USP25: variants seen among roughly 807,000 people sequenced by gnomAD.
USP25 encodes the protein ubiquitin specific peptidase 25.
Under a neutral mutation model 158.5 loss-of-function variants are expected in USP25, and 85 were observed. The ratio of observed to expected loss-of-function variants is 0.54; its 90% CI spans 0.45 to 0.64. The LOEUF (loss-of-function observed/expected upper bound fraction) is 0.64, where lower values mean the gene tolerates loss of function less well. USP25 is among the 30% of genes least tolerant of loss of function. The pLI is 0.00. For synonymous variants in USP25, 464 were observed against 460.4 expected (o/e 1.01, Z -0.10); for missense variants, 1,242 against 1,327.3 (o/e 0.94, Z 1.00).
chr21:15,859,692 T>A (rs2039331839), intron 20 of USP25, among the ~76,000 whole-genome samples: 3 of 152,106 alleles, frequency 2.0e-5, no homozygotes, highest in Non-Finnish European at 4.4e-5. Context: ...TCTGGTAGTT[T>A]ATATTTTTCT....
intron 1 of USP25, among the ~76,000 whole-genome samples, chr21:15,743,847 C>T (rs1012956865): frequency 6.6e-6 from 1 of 152,186 alleles, no homozygotes; most frequent in African/African-American, 2.4e-5. Context: ...GGGAATTTGT[C>T]TACTGTGGCT....
intron 20 of USP25, among the ~76,000 whole-genome samples, chr21:15,855,633 A>G (rs953084813): frequency 1.3e-5 from 2 of 152,208 alleles, no homozygotes; most frequent in Non-Finnish European, 2.9e-5. Flanking sequence ...TTGGTTGTGT[A>G]CATTTGTAGC....
At chr21:15,869,968 A>T in intron 22 of USP25, 100 bp from the exon 23 acceptor site, 1 of 813,248 alleles carries the variant, frequency 1.2e-6, no homozygotes, top group South Asian at 2.4e-5. Flanking sequence ...TATTTCTATT[A>T]ATTCAGATAG....
At chr21:15,878,269 A>G (rs769374346) in intron 25 of USP25, 34 bp from the exon 26 acceptor site, 9 of 1,590,232 alleles carry the variant, frequency 5.7e-6, no homozygotes, top group South Asian at 1.1e-5. Flanking sequence ...AATAATTTCT[A>G]TCTTTAGTTA....
At chr21:15,812,646 G>A (rs928759281) in intron 9 of USP25, among the ~76,000 whole-genome samples, 8 of 145,718 alleles carry the variant, frequency 5.5e-5, no homozygotes, top group African/African-American at 1.9e-4. Flanking sequence ...GCGAGACTCC[G>A]TCTCAAAAAA....
rs181467675 is a variant in USP25, at chr21:15,796,785, T to C, written c.556-2972T>C. 7.9e-4 allele frequency among the ~76,000 whole-genome samples: 119 copies of C among 151,490 alleles called. No individual in the cohort carries two copies. In the Middle Eastern group the frequency reaches 0.01, roughly 13 times the overall value. On this transcript the variant is annotated intron_variant, in intron 5 of 25. Coordinates refer to ENST00000400183, the MANE Select transcript of USP25 (RefSeq NM_001283041.3). Reference sequence around the variant, plus strand: ...CCTTTCCTCAATTTTTCATACACAATGTCTAGTACTCAGGTCAGTCATACC... The same window carrying C: ...CCTTTCCTCAATTTTTCATACACAACGTCTAGTACTCAGGTCAGTCATACC...
Position 15,730,276 on chromosome 21 carries a change from G to C in USP25, c.-118G>C. The stretch of plus-strand genomic sequence containing the variant: ...TTCGCGCCTGGCTGGCGGGGGCGCT[G>C]TCCTCCCAGGCCGTCCGCGCCGCTC... On this transcript the variant is annotated 5_prime_UTR_variant, in exon 1 of 26. Coordinates refer to ENST00000400183, the MANE Select transcript of USP25 (RefSeq NM_001283041.3). 1.0e-6 allele frequency: 1 copy of C among 973,616 alleles called. No homozygotes were observed. Among genetic ancestry groups the C allele is most frequent in the Non-Finnish European group, 1.2e-6 (1 of 817,856 alleles). The allele number at this position is 973,616 out of a possible 1,614,324, so 60.3% of individuals were successfully genotyped here. A position where few individuals can be genotyped will look rare whatever the true frequency, so the allele number is the denominator to read the frequency against.
chr21:15,878,830 A>C lies in USP25; in HGVS notation c.*355A>C, dbSNP rs541534205. On this transcript the variant is annotated 3_prime_UTR_variant, in exon 26 of 26. Transcript: ENST00000400183. Reference sequence around the variant, plus strand: ...ATCCTTCCATGACTACAGCCATTTAAGTGTTCAGCACTGTGTACGATACAT... The same window carrying C: ...ATCCTTCCATGACTACAGCCATTTACGTGTTCAGCACTGTGTACGATACAT... The C allele has an allele frequency of 3.1e-5, 6 of 193,550 alleles. No individual in the cohort carries two copies. In the South Asian group the frequency reaches 4.7e-4, roughly 15 times the overall value. 12.0% of individuals were successfully genotyped at this position (193,550 alleles called of 1,614,324 possible). A position where few individuals can be genotyped will look rare whatever the true frequency, so the allele number is the denominator to read the frequency against.
intron 5 of USP25, among the ~76,000 whole-genome samples, chr21:15,792,228 T>G (rs1298614246): frequency 6.6e-6 from 1 of 151,736 alleles, no homozygotes; most frequent in Non-Finnish European, 1.5e-5. Context: ...ATACATTTCT[T>G]GATCTGCTTA....
At chr21:15,798,825 C>T (rs2035990164) in intron 5 of USP25, among the ~76,000 whole-genome samples, 1 of 150,938 alleles carries the variant, frequency 6.6e-6, no homozygotes, top group African/African-American at 2.4e-5. Context: ...TTCTCAATAC[C>T]CAACTGTTGA....
intron 5 of USP25, among the ~76,000 whole-genome samples, chr21:15,793,873 A>G (rs2035723977): frequency 6.6e-6 from 1 of 151,666 alleles, no homozygotes; most frequent in Non-Finnish European, 1.5e-5. Context: ...TCTTCTTAAA[A>G]ATTTTCTACC....
intron 4 of USP25, among the ~76,000 whole-genome samples, chr21:15,779,996 T>C (rs567316331): frequency 7.4e-4 from 112 of 152,256 alleles, no homozygotes; most frequent in African/African-American, 2.6e-3. Context: ...AGCTAAACAT[T>C]ATCAGAGATA....
At chr21:15,813,634 T>C (rs1186305228) in intron 9 of USP25, among the ~76,000 whole-genome samples, 1 of 152,194 alleles carries the variant, frequency 6.6e-6, no homozygotes, top group Non-Finnish European at 1.5e-5. Flanking sequence ...TCTTTCTTTC[T>C]CATCAATATT....
rs2038424544 is a variant in USP25, at chr21:15,843,234, G to C, written c.2337+694G>C. The stretch of plus-strand genomic sequence containing the variant: ...GTTACTACTAAACCTTTTAGTTCCT[G>C]TAGTCATTTATCTTTTATTAGTGAG... On this transcript the variant is annotated intron_variant, in intron 18 of 25. Coordinates refer to ENST00000400183, the MANE Select transcript of USP25 (RefSeq NM_001283041.3). This position sits in a 1 kb window ranked among gnomAD's most constrained non-coding sequence, Gnocchi z 4.0. Among the ~76,000 whole-genome samples, 1 of 152,160 alleles carries C rather than the reference G, an allele frequency of 6.6e-6. No individual in the cohort carries two copies. Among genetic ancestry groups the C allele is most frequent in the African/African-American group, 2.4e-5 (1 of 41,442 alleles).
chr21:15,869,842 A>T (rs1467588046), intron 22 of USP25, among the ~76,000 whole-genome samples: 2 of 152,180 alleles, frequency 1.3e-5, no homozygotes, highest in Non-Finnish European at 2.9e-5. Flanking sequence ...ATTGTTTAAA[A>T]CATTTCATAT....
intron 3 of USP25, among the ~76,000 whole-genome samples, chr21:15,767,543 T>C (rs2034111833): frequency 6.6e-6 from 1 of 151,968 alleles, no homozygotes; most frequent in Non-Finnish European, 1.5e-5. Flanking sequence ...TCAAAACCAA[T>C]GAAAGGGAAT....
rs1371525825 is a variant in USP25 at position 15,766,875 on chromosome 21, TTTC to T, written c.268+737_268+739del. Among the ~76,000 whole-genome samples, 1 of 152,106 alleles carries T rather than the reference TTTC, an allele frequency of 6.6e-6. No homozygotes were observed. The highest frequency in any genetic ancestry group is 1.5e-5 in the Non-Finnish European group (1 of 67,984). ...ATTATTAACATATATTTGGAGAGAATTTCTTATTTTGTTTATAGACATTCTCAA... is the reference window on the plus strand; with the variant it reads ...ATTATTAACATATATTTGGAGAGAATTTATTTTGTTTATAGACATTCTCAA... On this transcript the variant is annotated intron_variant, in intron 3 of 25. Coordinates refer to ENST00000400183, the MANE Select transcript of USP25 (RefSeq NM_001283041.3). The surrounding 1 kb of genome is among the most constrained non-coding windows in gnomAD (Gnocchi z 4.0).
At chr21:15,745,818 C>G (rs1474811802) in intron 1 of USP25, among the ~76,000 whole-genome samples, 1 of 152,058 alleles carries the variant, frequency 6.6e-6, no homozygotes, top group African/African-American at 2.4e-5. Flanking sequence ...AATTTTTTCT[C>G]CCTGTGTTTT....
intron 1 of USP25, among the ~76,000 whole-genome samples, chr21:15,757,317 C>T (rs558304633): frequency 2.6e-5 from 4 of 151,988 alleles, no homozygotes; most frequent in African/African-American, 7.2e-5. Flanking sequence ...TTTTTGTTTT[C>T]TTTTCCACCT....
Sources: allele counts gnomAD v4.1 joint callset (sites outside exome capture counted in the v4.1 genomes callset), GRCh38; gene constraint gnomAD v4.1.1; non-coding constraint Gnocchi (gnomAD v3.1); transcripts MANE v1.5; gene names NCBI Gene and HGNC (gene_info 2026-07-23, HGNC 2026-07-21).